Variants in RUNX1T1 observed in about 807,000 individuals in gnomAD.
The protein encoded by RUNX1T1 is protein CBFA2T1.
A neutral mutation model predicts 62.8 loss-of-function variants in RUNX1T1; 4 were observed. The ratio of observed to expected loss-of-function variants is 0.06; its 90% CI spans 0.03 to 0.15. The LOEUF is 0.15. Among genes scored for constraint, RUNX1T1 ranks in the 10% least tolerant of loss-of-function variants. The pLI is 1.00. For synonymous variants in RUNX1T1, 291 were observed against 286.0 expected, an observed-to-expected ratio of 1.02 and a Z score of -0.18; for missense variants, 508 against 754.3, an observed-to-expected ratio of 0.67 and a Z score of 3.82.
intron 1 of RUNX1T1, among the ~76,000 whole-genome samples, chr8:92,098,255 C>CTA (rs1262413174): frequency 6.6e-6 from 1 of 152,150 alleles, no homozygotes; most frequent in Admixed American, 6.5e-5. Flanking sequence ...TTCATAATTA[C>CTA]TATAAACAGA....
intron 4 of RUNX1T1, 144 bp from the exon 6 acceptor site, chr8:92,005,441 G>T: frequency 1.5e-6 from 1 of 683,604 alleles, no homozygotes; most frequent in Non-Finnish European, 2.4e-6. Context: ...GGAACCACAG[G>T]CACAATTCTC....
intron 5 of RUNX1T1, among the ~76,000 whole-genome samples, chr8:91,993,269 AG>A (rs747482570): frequency 1.3e-5 from 2 of 152,152 alleles, no homozygotes; most frequent in East Asian, 3.9e-4. Flanking sequence ...AGAGATAATC[AG>A]GGGCAACAGG....
chr8:92,029,469 G>C (rs956155134), intron 1 of RUNX1T1, among the ~76,000 whole-genome samples: 4 of 152,128 alleles, frequency 2.6e-5, no homozygotes. Context: ...TCAGTAAGAT[G>C]CCCTCGAATA....
At chr8:92,090,060 C>T (rs1384259934) in intron 1 of RUNX1T1, among the ~76,000 whole-genome samples, 3 of 151,772 alleles carry the variant, frequency 2.0e-5, no homozygotes, top group Non-Finnish European at 4.4e-5. Flanking sequence ...ACCAAGTCTG[C>T]CCTTCGCCTT....
chr8:91,999,450 A>G (rs1819341910), intron 5 of RUNX1T1, among the ~76,000 whole-genome samples: 1 of 152,222 alleles, frequency 6.6e-6, no homozygotes, highest in African/African-American at 2.4e-5. Context: ...GAATCTAAGA[A>G]AAGAACCTAA....
rs546035494 is a variant in RUNX1T1, at chr8:92,093,290, A to G, written c.-86+6290T>C. On this transcript the variant is annotated intron_variant, in intron 1 of 11. Transcript: ENST00000265814. ...TTTCATAAATTTCTTTAACATAAAA[A>G]TATGTTAAGTCCCTTCTGGTTTTTT... 4.6e-5 allele frequency among the ~76,000 whole-genome samples: 7 copies of G among 152,222 alleles called. No homozygotes were observed. The South Asian group carries it at 1.4e-3, about 32-fold the overall frequency.
rs375054141 is a variant in RUNX1T1 at position 92,096,730 on chromosome 8, C to T, written c.-86+2850G>A. 7.9e-5 allele frequency among the ~76,000 whole-genome samples: 12 copies of T among 152,052 alleles called. No individual in the cohort carries two copies. The South Asian group carries it at 1.0e-3, about 13-fold the overall frequency. The stretch of plus-strand genomic sequence containing the variant: ...CACTGTAGCCCTAGCTGCTGTGAAA[C>T]TTCAGGTTATAAAATAGTTTTATGC... On this transcript the variant is annotated intron_variant, in intron 1 of 11. Coordinates refer to the RUNX1T1 transcript ENST00000265814.
At chr8:91,973,231 C>T (rs1005833440) in intron 9 of RUNX1T1, among the ~76,000 whole-genome samples, 4 of 151,232 alleles carry the variant, frequency 2.6e-5, no homozygotes, top group Non-Finnish European at 4.4e-5. Flanking sequence ...AACTTACTCT[C>T]AAATGATTAG....
At position 92,036,177 on chromosome 8, in the gene RUNX1T1, A is replaced by T. The variant is rs1367083631; in HGVS notation, c.8-18814T>A. On this transcript the variant is annotated intron_variant, in intron 1 of 10. Coordinates refer to ENST00000396218, the Ensembl canonical transcript of RUNX1T1. Reference sequence around the variant, plus strand: ...GAATTATAATGGCGAGAATCAAACCAAACATTGATGGACAACTGCAAAGAG... The same window carrying T: ...GAATTATAATGGCGAGAATCAAACCTAACATTGATGGACAACTGCAAAGAG... Among the ~76,000 whole-genome samples, 3 of 152,184 alleles carry T rather than the reference A, an allele frequency of 2.0e-5. No individual in the cohort carries two copies. In the South Asian group the frequency reaches 6.2e-4, roughly 32 times the overall value.
intron 1 of RUNX1T1, among the ~76,000 whole-genome samples, chr8:92,041,123 C>T (rs1412668502): frequency 6.6e-6 from 1 of 152,220 alleles, no homozygotes; most frequent in Admixed American, 6.5e-5. Flanking sequence ...TAAGACAATG[C>T]AATAGATCTT....
intron 9 of RUNX1T1, 154 bp from the exon 11 acceptor site, chr8:91,971,002 G>A (rs934576632): frequency 2.5e-5 from 13 of 524,096 alleles, no homozygotes; most frequent in African/African-American, 2.0e-4. Context: ...ATTTCCCCTA[G>A]CAGCTGGAAT....
chr8:92,064,100 A>T (rs1563881786), upstream of RUNX1T1, among the ~76,000 whole-genome samples: 2 of 152,056 alleles, frequency 1.3e-5, no homozygotes, highest in African/African-American at 4.8e-5. Context: ...ACTTCTACCT[A>T]CTCAATCTTC....
At chr8:91,962,273 A>G (rs1810636471) in intron 10 of RUNX1T1, among the ~76,000 whole-genome samples, 1 of 150,258 alleles carries the variant, frequency 6.7e-6, no homozygotes, top group African/African-American at 2.5e-5. Context: ...AAAAACAGAA[A>G]TAAAAAAGAA....
intron 1 of RUNX1T1, among the ~76,000 whole-genome samples, chr8:92,093,778 A>G (rs1016621559): frequency 2.0e-5 from 3 of 152,230 alleles, no homozygotes; most frequent in Admixed American, 2.0e-4. Flanking sequence ...CTCACTGTAA[A>G]TAACTCCAGG....
At chr8:92,076,098 G>C in exon 2 of RUNX1T1, 1 of 1,586,178 alleles carries the variant, frequency 6.3e-7, no homozygotes, top group South Asian at 1.2e-5. Flanking sequence ...TTTCTGACTG[G>C]GACAGAGATT....
intron 1 of RUNX1T1, among the ~76,000 whole-genome samples, chr8:92,084,287 GAGT>G (rs1305341830): frequency 6.8e-6 from 1 of 147,656 alleles, no homozygotes; most frequent in Non-Finnish European, 1.5e-5. Context: ...GTTTTGTTTG[GAGT>G]AGGAGGTGGG....
intron 6 of RUNX1T1, among the ~76,000 whole-genome samples, chr8:91,989,053 A>C (rs747555302): frequency 6.6e-6 from 1 of 152,122 alleles, no homozygotes; most frequent in Non-Finnish European, 1.5e-5. Context: ...AATAGCTCAT[A>C]ATCACATTTT....
chr8:92,068,795 A>G (rs1320576722), intron 2 of RUNX1T1, among the ~76,000 whole-genome samples: 1 of 152,170 alleles, frequency 6.6e-6, no homozygotes, highest in Admixed American at 6.5e-5. Flanking sequence ...GTGTGAGCCC[A>G]GCAAACAACA....
intron 8 of RUNX1T1, among the ~76,000 whole-genome samples, chr8:91,985,775 G>A (rs986213590): frequency 2.6e-5 from 4 of 152,104 alleles, no homozygotes; most frequent in African/African-American, 7.2e-5. Flanking sequence ...AGACCTTGAC[G>A]GAAGTGCCTA....
Sources: gnomAD v4.1 joint callset for allele counts (sites outside exome capture counted in the v4.1 genomes callset) on GRCh38, gnomAD v4.1.1 for gene constraint, MANE v1.5 for transcripts, NCBI Gene and HGNC (gene_info 2026-07-23, HGNC 2026-07-21) for gene names.